TTC23L: variants seen among roughly 807,000 people sequenced by gnomAD.
The protein encoded by TTC23L is tetratricopeptide repeat protein 23-like.
TTC23L carries 42 observed loss-of-function variants against 48.1 expected under a neutral mutation model. That is an observed-to-expected ratio of 0.87 (90% confidence interval 0.68 to 1.13). The LOEUF (loss-of-function observed/expected upper bound fraction) is 1.13. Among genes scored for constraint, TTC23L ranks in the 50% most tolerant of loss-of-function variants. The probability of loss-of-function intolerance (pLI) is 0.00; values close to 1 mark genes in which losing one functional copy is unlikely to be tolerated. For synonymous variants in TTC23L, 159 were observed against 157.2 expected, an observed-to-expected ratio of 1.01 and a Z score of -0.09; for missense variants, 391 against 421.0, an observed-to-expected ratio of 0.93 and a Z score of 0.62.
chr5:34,919,532 C>A, the TTC23L span, among the ~76,000 whole-genome samples: 72 of 152,238 alleles, frequency 4.7e-4, 1 homozygote, highest in Non-Finnish European at 3.5e-4. Context: ...TTAACACAGT[C>A]TTTGGTTTGT....
the TTC23L span, chr5:34,911,509 T>C: frequency 1.9e-6 from 3 of 1,592,462 alleles, no homozygotes; most frequent in African/African-American, 2.7e-5. Flanking sequence ...AGTGGGAAGA[T>C]GGAGTACAGA....
At chr5:34,892,877 G>C (rs1049774497) in intron 9 of TTC23L, among the ~76,000 whole-genome samples, 3 of 152,174 alleles carry the variant, frequency 2.0e-5, no homozygotes, top group African/African-American at 7.2e-5. Context: ...TGAGATTATG[G>C]AATTTTTATG....
chr5:34,890,277 G>A (rs1370652880), intron 9 of TTC23L, among the ~76,000 whole-genome samples: 5 of 150,998 alleles, frequency 3.3e-5, no homozygotes, highest in Admixed American at 1.3e-4. Flanking sequence ...AAGCGCCATC[G>A]CTACAAAAAA....
intron 4 of TTC23L, 80 bp downstream of exon 4, chr5:34,850,388 C>A (rs1285609894): frequency 6.3e-7 from 1 of 1,576,482 alleles, no homozygotes; most frequent in Non-Finnish European, 8.7e-7. Flanking sequence ...TGAGGATGGG[C>A]ATGACTAGGA....
At chr5:34,878,754 T>C (rs113255976) in intron 8 of TTC23L, among the ~76,000 whole-genome samples, 2 of 152,134 alleles carry the variant, frequency 1.3e-5, no homozygotes, top group Non-Finnish European at 2.9e-5. Flanking sequence ...TGAATGTAAA[T>C]CAGTACAACC....
At chr5:34,925,241 A>C in the TTC23L span, 2 of 1,594,510 alleles carry the variant, frequency 1.3e-6, no homozygotes, top group Non-Finnish European at 1.7e-6. Context: ...GCGTGTCATA[A>C]GATCCATCAC....
intron 9 of TTC23L, among the ~76,000 whole-genome samples, chr5:34,895,478 C>G (rs1763158340): frequency 1.3e-5 from 2 of 152,202 alleles, no homozygotes; most frequent in African/African-American, 4.8e-5. Flanking sequence ...CTTTATCTTT[C>G]TATCTGTCAG....
rs1421525096 is a variant in TTC23L at position 34,863,156 on chromosome 5, T to C, written c.536+102T>C. 10 of 1,464,024 alleles carry C rather than the reference T, an allele frequency of 6.8e-6. No homozygotes were observed. Among genetic ancestry groups the C allele is most frequent in the Non-Finnish European group, 7.5e-6 (8 of 1,070,550 alleles). 90.7% of individuals were successfully genotyped at this position (1,464,024 alleles called of 1,614,324 possible). On this transcript the variant is annotated intron_variant, in intron 5 of 10. Transcript: ENST00000505624. The surrounding 1 kb of genome is among the most constrained non-coding windows in gnomAD (Gnocchi z 4.1). ...AGGGTGGGAGATGGAACCAAGGCCT[T>C]GTAGATCTGTTCCAACATCAAGGCC...
the TTC23L span, among the ~76,000 whole-genome samples, chr5:34,910,036 G>GTCTCATCC: frequency 6.6e-6 from 1 of 151,912 alleles, no homozygotes; most frequent in Non-Finnish European, 1.5e-5. Flanking sequence ...TCTCTGACCC[G>GTCTCATCC]TCTCATCCAT....
chr5:34,863,035 G>T lies in TTC23L; in HGVS notation c.517G>T (p.Ala173Ser). The T allele has an allele frequency of 6.2e-7, 1 of 1,613,966 alleles. No individual in the cohort carries two copies. The highest frequency in any genetic ancestry group is 8.5e-7 in the Non-Finnish European group (1 of 1,179,876). ...CAAGCTGTACTACACTCTGGGCGTG[G>T]CCTGGCTCCTGCAGAACCGATATCC... Residue 173 changes from alanine (A) to serine (S), a missense_variant, in exon 5 of 11, where the codon GCC (alanine) becomes TCC (serine). Physicochemically the swap from Ala to Ser is moderately conservative, Grantham distance 99. Coordinates refer to ENST00000505624, the Ensembl canonical transcript of TTC23L. The surrounding 1 kb of genome is among the most constrained non-coding windows in gnomAD (Gnocchi z 4.1).
intron 9 of TTC23L, chr5:34,880,645 C>CT (rs34549849): frequency 0.41 from 150,400 of 364,206 alleles, 19,725 homozygotes; most frequent in Admixed American, 0.45. Context: ...CTCTGACAAA[C>CT]TTTTTTTTTT....
rs1760862240 is a variant in TTC23L, at chr5:34,863,894, C to G, written c.537-543C>G. 6.6e-6 allele frequency among the ~76,000 whole-genome samples: 1 copy of G among 152,190 alleles called. No homozygotes were observed. Among genetic ancestry groups the G allele is most frequent in the African/African-American group, 2.4e-5 (1 of 41,440 alleles). Reference sequence around the variant, plus strand: ...TTTTTTGGTCCTAATGTTCAACTTGCAAAATCTGATATGTGGCCTTCCTCT... The same window carrying G: ...TTTTTTGGTCCTAATGTTCAACTTGGAAAATCTGATATGTGGCCTTCCTCT... On this transcript the variant is annotated intron_variant, in intron 5 of 10. Transcript: ENST00000505624. This position sits in a 1 kb window ranked among gnomAD's most constrained non-coding sequence, Gnocchi z 4.1.
chr5:34,842,210 A>G (rs965566324), intron 2 of TTC23L, among the ~76,000 whole-genome samples: 1 of 152,180 alleles, frequency 6.6e-6, no homozygotes, highest in Admixed American at 6.5e-5. Flanking sequence ...TGCTAAAATT[A>G]TTAATGAAAT....
At chr5:34,925,013 A>G in the TTC23L span, 2 of 1,589,818 alleles carry the variant, frequency 1.3e-6, no homozygotes, top group East Asian at 2.2e-5. Context: ...TCAATGTACC[A>G]GAACCCTTTG....
At chr5:34,912,975 T>C in the TTC23L span, among the ~76,000 whole-genome samples, 4 of 152,202 alleles carry the variant, frequency 2.6e-5, no homozygotes, top group East Asian at 3.8e-4. Flanking sequence ...TACTGCAGCT[T>C]GGGCAACAAG....
chr5:34,883,167 G>GT (rs1762346975), intron 9 of TTC23L: 4 of 153,778 alleles, frequency 2.6e-5, no homozygotes, highest in African/African-American at 9.6e-5. Context: ...CTATAAGAAA[G>GT]GTGATACTGT....
rs1437312200 is a variant in TTC23L, at chr5:34,862,834, T to C, written c.380-64T>C. The stretch of plus-strand genomic sequence containing the variant: ...CCCACTTTATCCCCTCCCAGGAATG[T>C]TTTTGACTGAAGCATGCCTTTTTAA... On this transcript the variant is annotated intron_variant, in intron 4 of 10. Transcript: ENST00000505624. 4.4e-6 allele frequency: 7 copies of C among 1,591,816 alleles called. No individual in the cohort carries two copies. The African/African-American group carries it at 6.7e-5, about 15-fold the overall frequency.
At chr5:34,839,378 C>G (rs903648258) in intron 1 of TTC23L, 119 bp downstream of exon 1, 2 of 153,036 alleles carry the variant, frequency 1.3e-5, no homozygotes, top group African/African-American at 4.8e-5. Flanking sequence ...CCTTTGCGCA[C>G]TCGCGCGTTC....
the TTC23L span, among the ~76,000 whole-genome samples, chr5:34,923,524 C>T: frequency 5.9e-5 from 9 of 152,154 alleles, no homozygotes; most frequent in East Asian, 1.9e-4. Context: ...GCCATCTGCC[C>T]GCCTTGGCCT....
Sources: gnomAD v4.1 joint callset for allele counts (sites outside exome capture counted in the v4.1 genomes callset) on GRCh38, gnomAD v4.1.1 for gene constraint, Gnocchi (gnomAD v3.1) non-coding constraint, MANE v1.5 for transcripts, NCBI Gene and HGNC (gene_info 2026-07-23, HGNC 2026-07-21) for gene names.